Variants in TPH2 observed in about 807,000 individuals in gnomAD.
TPH2 encodes tryptophan hydroxylase 2.
A neutral mutation model predicts 59.1 loss-of-function variants in TPH2; 27 were observed. The ratio of observed to expected loss-of-function variants is 0.46; its 90% CI spans 0.34 to 0.63. The LOEUF (loss-of-function observed/expected upper bound fraction) is 0.63. TPH2 is among the 30% of genes least tolerant of loss of function. TPH2 has a pLI of 0.01. For synonymous variants in TPH2, 220 were observed against 210.5 expected (o/e 1.05, Z -0.39); for missense variants, 523 against 588.3 (o/e 0.89, Z 1.15).
rs143349866 is a variant in TPH2 at position 72,008,090 on chromosome 12, T to C, written c.1068+13525T>C. On this transcript the variant is annotated intron_variant, in intron 8 of 10. Coordinates refer to ENST00000333850, the MANE Select transcript of TPH2 (RefSeq NM_173353.4). ...TATAGATAAGTGAACAGGGACTTTA[T>C]AGCTTGTGAAGGCAAAGATAGAAGA... is the stretch of plus-strand genomic sequence containing the variant. Among the ~76,000 whole-genome samples the C allele has an allele frequency of 8.9e-4, 136 of 152,298 alleles. 4 individuals carry two copies. In the East Asian group the frequency reaches 0.014, roughly 16 times the overall value.
intron 8 of TPH2, among the ~76,000 whole-genome samples, chr12:71,998,282 G>T (rs192386042): frequency 6.6e-6 from 1 of 152,166 alleles, no homozygotes; most frequent in Admixed American, 6.6e-5. Flanking sequence ...TCTATAGGCT[G>T]CCCGTTTACT....
rs1473311192 is a variant in TPH2, at chr12:72,031,943, C to T, written c.*248C>T. On this transcript the variant is annotated 3_prime_UTR_variant, in exon 11 of 11. Transcript: ENST00000333850. ...AACATCTTAAAAAGATTTGACATTC[C>T]TGCTTAGTGTCCTTAACCAAACTGC... 1 of 507,722 alleles carries T rather than the reference C, an allele frequency of 2.0e-6. No homozygotes were observed. The highest frequency in any genetic ancestry group is 1.9e-5 in the African/African-American group (1 of 51,836). The allele number at this position is 507,722 out of a possible 1,614,324, so 31.5% of individuals were successfully genotyped here.
intron 5 of TPH2, among the ~76,000 whole-genome samples, chr12:71,957,290 A>G (rs1871534842): frequency 6.6e-6 from 1 of 150,864 alleles, no homozygotes; most frequent in South Asian, 2.1e-4. Flanking sequence ...TCAATTTCAT[A>G]TAATCAATTG....
At chr12:72,015,554 C>T (rs1368587730) in intron 8 of TPH2, among the ~76,000 whole-genome samples, 2 of 151,880 alleles carry the variant, frequency 1.3e-5, no homozygotes, top group East Asian at 1.9e-4. Context: ...CTCCTGACCT[C>T]GTGATCCACC....
intron 8 of TPH2, among the ~76,000 whole-genome samples, chr12:72,019,705 T>A (rs1873356551): frequency 1.3e-5 from 2 of 152,232 alleles, no homozygotes; most frequent in African/African-American, 4.8e-5. Context: ...CATATATGCT[T>A]CATGGGATCA....
chr12:71,950,172 G>A (rs1271318082), intron 5 of TPH2, among the ~76,000 whole-genome samples: 2 of 152,208 alleles, frequency 1.3e-5, no homozygotes, highest in African/African-American at 4.8e-5. Flanking sequence ...AGTTGGGATG[G>A]AAGAGGAGGA....
At chr12:71,999,168 A>G (rs751621017) in intron 8 of TPH2, among the ~76,000 whole-genome samples, 1 of 152,200 alleles carries the variant, frequency 6.6e-6, no homozygotes, top group Non-Finnish European at 1.5e-5. Context: ...TATATTGCCT[A>G]TGGCTCTTCT....
chr12:71,945,410 C>T (rs935419179), intron 4 of TPH2, among the ~76,000 whole-genome samples: 2 of 152,024 alleles, frequency 1.3e-5, no homozygotes, highest in South Asian at 2.1e-4. Flanking sequence ...AAGCAATGCA[C>T]CCATTCATTA....
chr12:72,016,262 A>G (rs1322181127), intron 8 of TPH2, among the ~76,000 whole-genome samples: 2 of 152,156 alleles, frequency 1.3e-5, no homozygotes, highest in African/African-American at 2.4e-5. Flanking sequence ...TCATATTTCT[A>G]TATAATTGAT....
intron 8 of TPH2, among the ~76,000 whole-genome samples, chr12:72,016,862 G>T (rs887552596): frequency 5.3e-5 from 8 of 152,094 alleles, no homozygotes; most frequent in African/African-American, 1.7e-4. Flanking sequence ...AAGTTTATAT[G>T]TATCATTTTA....
rs1871154368 is a variant in TPH2, at chr12:71,944,583, C to T, written c.440-3C>T. On this transcript the variant is annotated splice_polypyrimidine_tract_variant and splice_region_variant and intron_variant, in intron 3 of 10. Transcript: ENST00000333850. ...ATTTTTGAACCTGCACTGTTTTCAA[C>T]AGAGCTAGAGGATGTGCCCTGGTTC... 6.2e-7 allele frequency: 1 copy of T among 1,613,738 alleles called. No homozygotes were observed. The highest frequency in any genetic ancestry group is 1.3e-5 in the African/African-American group (1 of 74,894).
intron 8 of TPH2, among the ~76,000 whole-genome samples, chr12:71,999,090 G>A (rs1041693951): frequency 1.3e-5 from 2 of 152,138 alleles, no homozygotes; most frequent in African/African-American, 4.8e-5. Flanking sequence ...AGGACTAATC[G>A]GCACCGCCAA....
At chr12:71,949,983 T>C (rs567789885) in intron 5 of TPH2, among the ~76,000 whole-genome samples, 63 of 152,288 alleles carry the variant, frequency 4.1e-4, no homozygotes, top group African/African-American at 1.3e-3. Context: ...CCTTGACTTT[T>C]CAGTAACCCC....
At chr12:71,944,830 G>T in intron 4 of TPH2, 144 bp downstream of exon 4, 1 of 821,094 alleles carries the variant, frequency 1.2e-6, no homozygotes, top group Non-Finnish European at 2.0e-6. Context: ...ACTTCCAAAT[G>T]ATAAAGCTTC....
chr12:72,007,056 T>C (rs1223291093), intron 8 of TPH2, among the ~76,000 whole-genome samples: 1 of 152,158 alleles, frequency 6.6e-6, no homozygotes, highest in Non-Finnish European at 1.5e-5. Flanking sequence ...CCTCTAACTT[T>C]CAACAACTCA....
intron 6 of TPH2, among the ~76,000 whole-genome samples, chr12:71,974,754 CT>C (rs1346923695): frequency 6.6e-6 from 1 of 152,168 alleles, no homozygotes; most frequent in Non-Finnish European, 1.5e-5. Context: ...TAAATCTGTC[CT>C]TTTCCTTTCT....
intron 7 of TPH2, among the ~76,000 whole-genome samples, chr12:71,986,482 T>C (rs1378899072): frequency 6.6e-6 from 1 of 152,220 alleles, no homozygotes; most frequent in Non-Finnish European, 1.5e-5. Context: ...CAATATACAT[T>C]CCATTTTTAA....
In TPH2 at chr12:72,016,312, G is replaced by A. The variant is rs139963473; in HGVS notation, c.1069-6087G>A. On this transcript the variant is annotated intron_variant, in intron 8 of 10. Coordinates refer to ENST00000333850, the MANE Select transcript of TPH2 (RefSeq NM_173353.4). ...TTTAGTGATAACGTCAATATGGAGCGTTTATTTACTCAAACACCAAATATT... is the reference window on the plus strand; with the variant it reads ...TTTAGTGATAACGTCAATATGGAGCATTTATTTACTCAAACACCAAATATT... Among the ~76,000 whole-genome samples, 381 of 152,150 alleles carry A rather than the reference G, an allele frequency of 2.5e-3. 1 individual carries two copies. The highest frequency in any genetic ancestry group is 8.2e-3 in the African/African-American group (341 of 41,496).
At chr12:71,967,439 T>A (rs527807200) in intron 5 of TPH2, among the ~76,000 whole-genome samples, 8 of 152,354 alleles carry the variant, frequency 5.3e-5, no homozygotes, top group African/African-American at 1.9e-4. Context: ...AGCTTCTTTC[T>A]AGTACTGCCG....
Sources: allele counts gnomAD v4.1 joint callset (sites outside exome capture counted in the v4.1 genomes callset), GRCh38; gene constraint gnomAD v4.1.1; transcripts MANE v1.5; gene names NCBI Gene and HGNC (gene_info 2026-07-23, HGNC 2026-07-21).